Variants in KREMEN1 observed in about 807,000 individuals in gnomAD.
KREMEN1 encodes kremen protein 1.
KREMEN1 carries 30 observed loss-of-function variants against 46.5 expected under a neutral mutation model. The observed-to-expected ratio is 0.65, with a 90% CI of 0.48 to 0.88. The LOEUF (loss-of-function observed/expected upper bound fraction) is 0.88, where lower values mean the gene tolerates loss of function less well. Among genes scored for constraint, KREMEN1 ranks in the 40% least tolerant of loss-of-function variants. The pLI, the probability that KREMEN1 is intolerant of heterozygous loss-of-function variation, is 0.00. For synonymous variants in KREMEN1, 214 were observed against 230.6 expected, an observed-to-expected ratio of 0.93 and a Z score of 0.65; for missense variants, 533 against 596.9, an observed-to-expected ratio of 0.89 and a Z score of 1.11.
At chr22:29,089,165 C>G (rs2037772489) in intron 1 of KREMEN1, among the ~76,000 whole-genome samples, 1 of 152,150 alleles carries the variant, frequency 6.6e-6, no homozygotes, top group Non-Finnish European at 1.5e-5. Context: ...TTCCTCAACT[C>G]CAGACTCATG....
downstream of KREMEN1, among the ~76,000 whole-genome samples, chr22:29,148,586 CT>C (rs2038890867): frequency 6.6e-6 from 1 of 151,888 alleles, no homozygotes; most frequent in Admixed American, 6.6e-5. Flanking sequence ...CCCGGAGTAG[CT>C]GGAATTACAG....
At chr22:29,157,295 G>A (rs891553391) in intron 9 of KREMEN1, among the ~76,000 whole-genome samples, 2 of 152,158 alleles carry the variant, frequency 1.3e-5, no homozygotes, top group Non-Finnish European at 2.9e-5. Flanking sequence ...GGGAGCCGAG[G>A]CCCAGAGAGC....
intron 5 of KREMEN1, among the ~76,000 whole-genome samples, chr22:29,127,434 T>C (rs1436349781): frequency 6.6e-6 from 1 of 152,128 alleles, no homozygotes; most frequent in African/African-American, 2.4e-5. Context: ...GAATGTAAAA[T>C]GGTGCAGCTG....
chr22:29,114,966 G>A (rs1007935425), intron 3 of KREMEN1, among the ~76,000 whole-genome samples: 1 of 152,168 alleles, frequency 6.6e-6, no homozygotes, highest in Non-Finnish European at 1.5e-5. Flanking sequence ...CTAGAATGAT[G>A]TTCCTACATA....
At chr22:29,138,204 A>G (rs574351060) in intron 6 of KREMEN1, among the ~76,000 whole-genome samples, 1 of 152,380 alleles carries the variant, frequency 6.6e-6, no homozygotes, top group South Asian at 2.1e-4. Context: ...CCTGGATAGC[A>G]AACCTCAAGA....
chr22:29,146,414 C>A lies in KREMEN1; in HGVS notation c.*4302C>A. 1 of 985,746 alleles carries A rather than the reference C, an allele frequency of 1.0e-6. No individual in the cohort carries two copies. Among genetic ancestry groups the A allele is most frequent in the Non-Finnish European group, 1.2e-6 (1 of 829,966 alleles). 61.1% of individuals were successfully genotyped at this position (985,746 alleles called of 1,614,324 possible). A position where few individuals can be genotyped will look rare whatever the true frequency, so the allele number is the denominator to read the frequency against. ...CGTCTTGCTGAGTTGGGTACGGAGG[C>A]AGAAGTGGGGTGTGGAGGAAAGTCA... On this transcript the variant is annotated 3_prime_UTR_variant, in exon 9 of 9. Transcript: ENST00000400335.
At position 29,073,342 on chromosome 22, in the gene KREMEN1, T is replaced by C; in HGVS notation, c.97+115T>C. Reference sequence around the variant, plus strand: ...CCGCTTCAGGACCTTCCGGGCCCCTTCCCCTCGCCCCTAGGCGACGCCCCT... The same window carrying C: ...CCGCTTCAGGACCTTCCGGGCCCCTCCCCCTCGCCCCTAGGCGACGCCCCT... On this transcript the variant is annotated intron_variant, in intron 1 of 8. Transcript: ENST00000400335. The surrounding 1 kb of genome is among the most constrained non-coding windows in gnomAD (Gnocchi z 4.4). 3.7e-6 allele frequency: 1 copy of C among 268,730 alleles called. No individual in the cohort carries two copies. Among genetic ancestry groups the C allele is most frequent in the Non-Finnish European group, 6.2e-6 (1 of 160,542 alleles). The allele number at this position is 268,730 out of a possible 1,614,324, so 16.6% of individuals were successfully genotyped here.
intron 3 of KREMEN1, among the ~76,000 whole-genome samples, chr22:29,120,343 AGGG>A (rs1386768798): frequency 4.0e-5 from 6 of 149,896 alleles, no homozygotes; most frequent in Admixed American, 2.0e-4. Flanking sequence ...AACAGGGAGG[AGGG>A]AGAGGTGATG....
intron 9 of KREMEN1, among the ~76,000 whole-genome samples, chr22:29,160,061 A>C (rs1261139581): frequency 3.3e-5 from 5 of 152,140 alleles, no homozygotes; most frequent in African/African-American, 1.2e-4. Context: ...CCTATTAGAC[A>C]TCTATGGAAA....
chr22:29,138,490 A>T (rs2038704795), intron 6 of KREMEN1, 134 bp from the exon 7 acceptor site: 1 of 865,668 alleles, frequency 1.2e-6, no homozygotes, highest in Non-Finnish European at 1.9e-6. Flanking sequence ...GGCTGGTGGG[A>T]CCCACCTATG....
At chr22:29,135,658 C>T (rs1429096563) in intron 5 of KREMEN1, among the ~76,000 whole-genome samples, 1 of 152,152 alleles carries the variant, frequency 6.6e-6, no homozygotes, top group South Asian at 2.1e-4. Context: ...GCAAAATGCC[C>T]GTTGTGTCTG....
At chr22:29,093,150 A>G (rs7286634) in intron 1 of KREMEN1, among the ~76,000 whole-genome samples, 1 of 152,110 alleles carries the variant, frequency 6.6e-6, no homozygotes, top group Non-Finnish European at 1.5e-5. Context: ...TATTAAAAGA[A>G]ATATCTGCCA....
chr22:29,152,526 C>T (rs960915411), intron 9 of KREMEN1, among the ~76,000 whole-genome samples: 6 of 152,186 alleles, frequency 3.9e-5, no homozygotes, highest in African/African-American at 1.2e-4. Flanking sequence ...TCCTGTGAGA[C>T]GGGCGAGGCC....
chr22:29,146,416 G>A lies in KREMEN1; in HGVS notation c.*4304G>A. The A allele has an allele frequency of 1.0e-6, 1 of 985,756 alleles. No homozygotes were observed. Among genetic ancestry groups the A allele is most frequent in the Non-Finnish European group, 1.2e-6 (1 of 829,966 alleles). The allele number at this position is 985,756 out of a possible 1,614,324, so 61.1% of individuals were successfully genotyped here. A position where few individuals can be genotyped will look rare whatever the true frequency, so the allele number is the denominator to read the frequency against. ...TCTTGCTGAGTTGGGTACGGAGGCAGAAGTGGGGTGTGGAGGAAAGTCAGA... is the reference window on the plus strand; with the variant it reads ...TCTTGCTGAGTTGGGTACGGAGGCAAAAGTGGGGTGTGGAGGAAAGTCAGA... On this transcript the variant is annotated 3_prime_UTR_variant, in exon 9 of 9. Transcript: ENST00000400335.
chr22:29,139,729 T>A (rs1379435969), intron 7 of KREMEN1, among the ~76,000 whole-genome samples: 1 of 152,170 alleles, frequency 6.6e-6, no homozygotes, highest in Non-Finnish European at 1.5e-5. Context: ...GCCAAGGAAG[T>A]GATGCCTTTA....
chr22:29,123,545 A>G lies in KREMEN1; in HGVS notation c.478-1718A>G, dbSNP rs571718479. 3.3e-5 allele frequency among the ~76,000 whole-genome samples: 5 copies of G among 152,314 alleles called. No individual in the cohort carries two copies. In the South Asian group the frequency reaches 8.3e-4, roughly 25 times the overall value. ...GGTGGCTCAAGCCTGTAATCCCAGC[A>G]CTTTGGGAGGCCAAGGCAGGAGGAT... is the stretch of plus-strand genomic sequence containing the variant. On this transcript the variant is annotated intron_variant, in intron 4 of 8. Coordinates refer to ENST00000400335, the MANE Select transcript of KREMEN1 (RefSeq NM_001039570.3).
chr22:29,137,737 C>T, intron 6 of KREMEN1, 63 bp downstream of exon 6: 1 of 1,348,900 alleles, frequency 7.4e-7, no homozygotes. Context: ...TTCTCTTCTT[C>T]ACCCTTGTGA....
At chr22:29,093,132 G>C (rs997693093) in intron 1 of KREMEN1, among the ~76,000 whole-genome samples, 1 of 152,188 alleles carries the variant, frequency 6.6e-6, no homozygotes, top group African/African-American at 2.4e-5. Context: ...TCTGTGGATA[G>C]TTTGAAGTAT....
At chr22:29,103,262 T>C (rs2038002441) in intron 3 of KREMEN1, among the ~76,000 whole-genome samples, 1 of 152,152 alleles carries the variant, frequency 6.6e-6, no homozygotes, top group Non-Finnish European at 1.5e-5. Context: ...TATCTGAATA[T>C]AACAGACCCA....
Sources: allele counts gnomAD v4.1 joint callset (sites outside exome capture counted in the v4.1 genomes callset), GRCh38; gene constraint gnomAD v4.1.1; non-coding constraint Gnocchi (gnomAD v3.1); transcripts MANE v1.5; gene names NCBI Gene and HGNC (gene_info 2026-07-23, HGNC 2026-07-21).